The following XCR1 variants were observed in gnomAD, a reference collection of about 807,000 sequenced individuals.
XCR1 encodes the protein chemokine XC receptor 1.
For synonymous variants in XCR1, 187 were observed against 188.5 expected (o/e 0.99, Z 0.06); for missense variants, 356 against 424.2 (o/e 0.84, Z 1.41).
intron 4 of XCR1, among the ~76,000 whole-genome samples, chr3:46,061,268 T>G (rs1328077359): frequency 1.3e-5 from 2 of 152,186 alleles, no homozygotes; most frequent in Non-Finnish European, 2.9e-5. Flanking sequence ...ATTGTCCCTA[T>G]CAGAGACTCA....
chr3:46,063,424 G>A (rs62243869), intron 4 of XCR1, among the ~76,000 whole-genome samples: 28,447 of 152,054 alleles, frequency 0.19, 2,832 homozygotes, highest in Middle Eastern at 0.32. Context: ...CAGCAGAGAC[G>A]AAACCAGAAA....
upstream of XCR1, chr3:46,027,682 G>A (rs540597880): frequency 2.6e-4 from 40 of 152,254 alleles, no homozygotes; most frequent in Admixed American, 2.4e-3. Context: ...TGCAAGCCCT[G>A]GATAAAGAAA....
chr3:46,044,704 A>G (rs1697593484), intron 5 of XCR1, among the ~76,000 whole-genome samples: 1 of 152,226 alleles, frequency 6.6e-6, no homozygotes, highest in South Asian at 2.1e-4. Context: ...TAGAAATATG[A>G]TAAAGAAATA....
rs568812959 is a variant in XCR1, at chr3:46,021,967, C to A, written c.-20G>T. On this transcript the variant is annotated 5_prime_UTR_variant, in exon 2 of 2. Coordinates refer to ENST00000309285, the MANE Select transcript of XCR1 (RefSeq NM_001024644.2). This position sits in a 1 kb window ranked among gnomAD's most constrained non-coding sequence, Gnocchi z 4.7. The stretch of plus-strand genomic sequence containing the variant: ...CTCCATCTGGACCAGATGGCAGGGA[C>A]GTTTAGAGCATCTGAAATGATAGAG... 1 of 1,588,780 alleles carries A rather than the reference C, an allele frequency of 6.3e-7. No individual in the cohort carries two copies. Among genetic ancestry groups the A allele is most frequent in the East Asian group, 2.2e-5 (1 of 44,702 alleles).
At position 46,021,240 on chromosome 3, in the gene XCR1, G is replaced by A. The variant is rs1708138196; in HGVS notation, c.708C>T (p.Leu236=). 7 of 1,614,102 alleles carry A rather than the reference G, an allele frequency of 4.3e-6. No individual in the cohort carries two copies. The highest frequency in any genetic ancestry group is 1.3e-5 in the African/African-American group (1 of 74,926). Residue 236 remains leucine, a synonymous_variant, in exon 2 of 2, where the codon CTC becomes CTT. Transcript: ENST00000309285. This position sits in a 1 kb window ranked among gnomAD's most constrained non-coding sequence, Gnocchi z 4.7. ...LIFAIVVAYF[L]SWGPYNFTLF... ...GGGTGAAGTTGTAGGGACCCCAGCTGAGGAAGTAGGCCACCACGATGGCGA... is the reference window on the plus strand; with the variant it reads ...GGGTGAAGTTGTAGGGACCCCAGCTAAGGAAGTAGGCCACCACGATGGCGA...
At position 46,017,084 on chromosome 3, in the gene XCR1, C is replaced by T. The variant is rs968551548; in HGVS notation, c.*3862G>A. On this transcript the variant is annotated 3_prime_UTR_variant, in exon 2 of 2. Transcript: ENST00000309285. ...CATAATAATTCATACTTATCTGGGA[C>T]AGAATGATCAACAAAGCAAGTAGTT... The T allele has an allele frequency of 1.3e-5, 2 of 152,196 alleles. No individual in the cohort carries two copies. Among genetic ancestry groups the T allele is most frequent in the Non-Finnish European group, 2.9e-5 (2 of 68,048 alleles). The allele number at this position is 152,196 out of a possible 1,614,324, so 9.4% of individuals were successfully genotyped here.
At chr3:46,082,628 C>T (rs1698394766) in intron 1 of XCR1, among the ~76,000 whole-genome samples, 1 of 150,440 alleles carries the variant, frequency 6.6e-6, no homozygotes, top group South Asian at 2.1e-4. Context: ...GTAGCTGGGG[C>T]AACAGAAGTG....
At chr3:46,056,773 C>G (rs1194799058) in intron 4 of XCR1, among the ~76,000 whole-genome samples, 1 of 152,064 alleles carries the variant, frequency 6.6e-6, no homozygotes, top group African/African-American at 2.4e-5. Context: ...AGGCTTGGAG[C>G]CCCTGTACCT....
chr3:46,051,950 C>G (rs1056564244), intron 5 of XCR1, among the ~76,000 whole-genome samples: 1 of 151,966 alleles, frequency 6.6e-6, no homozygotes. Flanking sequence ...GGCATGGACC[C>G]GGGAGGCGGA....
intron 4 of XCR1, among the ~76,000 whole-genome samples, chr3:46,056,202 G>T (rs1026583844): frequency 6.6e-6 from 1 of 151,804 alleles, no homozygotes; most frequent in Non-Finnish European, 1.5e-5. Flanking sequence ...TCAAGAGTTC[G>T]TTTTTTTTCT....
intron 4 of XCR1, among the ~76,000 whole-genome samples, chr3:46,064,937 C>T (rs944639517): frequency 5.3e-5 from 8 of 151,966 alleles, no homozygotes; most frequent in Non-Finnish European, 1.0e-4. Flanking sequence ...ACTAAAAATA[C>T]AAGATTAGCC....
At position 46,019,132 on chromosome 3, in the gene XCR1, A is replaced by C. The variant is rs1708096336; in HGVS notation, c.*1814T>G. 1 of 152,250 alleles carries C rather than the reference A, an allele frequency of 6.6e-6. No homozygotes were observed. The highest frequency in any genetic ancestry group is 1.5e-5 in the Non-Finnish European group (1 of 68,066). 9.4% of individuals were successfully genotyped at this position (152,250 alleles called of 1,614,324 possible). A position where few individuals can be genotyped will look rare whatever the true frequency, so the allele number is the denominator to read the frequency against. On this transcript the variant is annotated 3_prime_UTR_variant, in exon 2 of 2. Transcript: ENST00000309285. Reference sequence around the variant, plus strand: ...CAAGGTGAAGCATAGCCATCGCCACAGAGAGAGATAAGCAATCTCTCTACT... The same window carrying C: ...CAAGGTGAAGCATAGCCATCGCCACCGAGAGAGATAAGCAATCTCTCTACT...
Position 46,021,023 on chromosome 3 carries a change from G to A in XCR1, c.925C>T (p.Arg309Trp), listed in dbSNP as rs866621298. ...GAGGCTGGGCTGGGTGCCTGCAGCC[G>A]GCAGAACCAGAACTGCCGGAGAACA... Reference protein sequence around the residue: ...KHVLRQFWFCRLQAPSPASIP... With the variant: ...KHVLRQFWFCWLQAPSPASIP... Residue 309 changes from arginine (R) to tryptophan (W), a missense_variant, in exon 2 of 2, where the codon CGG (arginine) becomes TGG (tryptophan). Transcript: ENST00000309285. This position sits in a 1 kb window ranked among gnomAD's most constrained non-coding sequence, Gnocchi z 4.7. 3.7e-6 allele frequency: 6 copies of A among 1,613,380 alleles called. No individual in the cohort carries two copies. In the African/African-American group the frequency reaches 5.3e-5, roughly 14 times the overall value.
At chr3:46,031,326 C>T (rs1310589983), upstream of XCR1, among the ~76,000 whole-genome samples, 1 of 152,226 alleles carries the variant, frequency 6.6e-6, no homozygotes, top group African/African-American at 2.4e-5. Context: ...GTACCTGCTC[C>T]TGCTGTTTGG....
intron 1 of XCR1, among the ~76,000 whole-genome samples, chr3:46,078,243 G>A (rs911438265): frequency 6.6e-6 from 1 of 152,028 alleles, no homozygotes; most frequent in African/African-American, 2.4e-5. Context: ...TTCTTCCTTT[G>A]GGGTCAGCAT....
intron 3 of XCR1, among the ~76,000 whole-genome samples, chr3:46,073,906 T>TAA (rs547551677): frequency 7.0e-6 from 1 of 142,946 alleles, no homozygotes; most frequent in East Asian, 2.0e-4. Context: ...GAATGGCAAT[T>TAA]AAAAAAAAAA....
At chr3:46,063,622 G>A (rs1489215617) in intron 4 of XCR1, among the ~76,000 whole-genome samples, 2 of 152,146 alleles carry the variant, frequency 1.3e-5, no homozygotes, top group Non-Finnish European at 2.9e-5. Flanking sequence ...CAAGGGCAGA[G>A]CCTCGGGTGA....
chr3:46,072,331 C>G (rs1698176458), intron 3 of XCR1, among the ~76,000 whole-genome samples: 1 of 152,006 alleles, frequency 6.6e-6, no homozygotes, highest in South Asian at 2.1e-4. Flanking sequence ...CCAGCCTGGG[C>G]AACATGGTGA....
At chr3:46,061,525 T>C (rs887060484) in intron 4 of XCR1, among the ~76,000 whole-genome samples, 5 of 152,216 alleles carry the variant, frequency 3.3e-5, no homozygotes, top group African/African-American at 1.2e-4. Flanking sequence ...CACCCTTTGG[T>C]GAACATTCAC....
Sources: gnomAD v4.1 joint callset for allele counts (sites outside exome capture counted in the v4.1 genomes callset) on GRCh38, gnomAD v4.1.1 for gene constraint, Gnocchi (gnomAD v3.1) non-coding constraint, MANE v1.5 for transcripts, NCBI Gene and HGNC (gene_info 2026-07-23, HGNC 2026-07-21) for gene names.